TRPM6: variants seen among roughly 807,000 people sequenced by gnomAD.
The protein encoded by TRPM6 is transient receptor potential cation channel subfamily M member 6, also known as channel kinase 2.
In TRPM6, 111 loss-of-function variants were observed where a neutral mutation model predicts 247.6. The ratio of observed to expected loss-of-function variants is 0.45; its 90% CI spans 0.38 to 0.52. The LOEUF (loss-of-function observed/expected upper bound fraction) is 0.52. Ranked by LOEUF, TRPM6 falls within the 20% of genes least tolerant of loss-of-function variation. The pLI, the probability that TRPM6 is intolerant of heterozygous loss-of-function variation, is 0.00. For synonymous variants in TRPM6, 892 were observed against 853.8 expected, an observed-to-expected ratio of 1.04 and a Z score of -0.78; for missense variants, 2,126 against 2,421.5, an observed-to-expected ratio of 0.88 and a Z score of 2.56.
chr9:74,817,154 A>G (rs573911212), intron 9 of TRPM6, among the ~76,000 whole-genome samples, 190 bp from the exon 10 acceptor site: 245 of 152,314 alleles, frequency 1.6e-3, no homozygotes, highest in Non-Finnish European at 3.0e-3. Context: ...TTGGGGGGGA[A>G]AAAACTAAAA....
At chr9:74,887,499 G>A (rs941519057) in intron 1 of TRPM6, 2 of 1,105,476 alleles carry the variant, frequency 1.8e-6, no homozygotes, top group African/African-American at 1.5e-5. Context: ...CCTCTCCCGG[G>A]GTGTTTCCCA....
In TRPM6 at chr9:74,820,540, G is replaced by T. The variant is rs1006266762; in HGVS notation, c.1011-113C>A. ...CAGACTGAAAAGGTGTCTATGGACA[G>T]TTCTGCCAGAAGAGCAAATGAGGGG... On this transcript the variant is annotated intron_variant, in intron 8 of 38. Coordinates refer to ENST00000360774, the MANE Select transcript of TRPM6 (RefSeq NM_017662.5). The T allele has an allele frequency of 2.3e-6, 3 of 1,332,732 alleles. No homozygotes were observed. The African/African-American group carries it at 4.3e-5, about 19-fold the overall frequency. 82.6% of individuals were successfully genotyped at this position (1,332,732 alleles called of 1,614,324 possible).
At chr9:74,853,771 T>C (rs1197227955) in intron 3 of TRPM6, among the ~76,000 whole-genome samples, 2 of 152,126 alleles carry the variant, frequency 1.3e-5, no homozygotes, top group Non-Finnish European at 2.9e-5. Flanking sequence ...CTTGTTCACA[T>C]GTTTATCTGC....
chr9:74,738,516 G>A lies in TRPM6; in HGVS notation c.5667C>T (p.Asn1889=), dbSNP rs1587455173. ...MTGEFRKYNN[N]NGDEITPTNT... is the part of the protein sequence containing the mutation. ...TGGTGGGGGTGATTTCATCACCATTGTTGTTGTTATACTTCCGGAACTCCC... is the reference window on the plus strand; with the variant it reads ...TGGTGGGGGTGATTTCATCACCATTATTGTTGTTATACTTCCGGAACTCCC... The change falls in exon 36 of 39, where the codon AAC becomes AAT. Residue 1889 remains asparagine, a synonymous_variant. Transcript: ENST00000360774. The A allele has an allele frequency of 5.0e-6, 8 of 1,614,070 alleles. No individual in the cohort carries two copies. The East Asian group carries it at 1.6e-4, about 31-fold the overall frequency.
At position 74,738,897 on chromosome 9, in the gene TRPM6, T is replaced by A. The variant is rs190483606; in HGVS notation, c.5571-285A>T. Among the ~76,000 whole-genome samples, 33 of 152,320 alleles carry A rather than the reference T, an allele frequency of 2.2e-4. 1 individual carries two copies. The East Asian group carries it at 5.4e-3, about 25-fold the overall frequency. On this transcript the variant is annotated intron_variant, in intron 35 of 38. Coordinates refer to ENST00000360774, the MANE Select transcript of TRPM6 (RefSeq NM_017662.5). ...ATAAAGTTCCTTGTAAATGAAAGAA[T>A]GAAGCTTTACTCTGTCCAGCACCAA...
intron 36 of TRPM6, among the ~76,000 whole-genome samples, chr9:74,734,648 T>A (rs1032192489): frequency 2.6e-5 from 4 of 152,114 alleles, no homozygotes; most frequent in African/African-American, 9.7e-5. Context: ...GCTGAAAAAA[T>A]GTTCAGTTAC....
At chr9:74,740,877 T>G (rs1028309836) in intron 33 of TRPM6, among the ~76,000 whole-genome samples, 7 of 152,192 alleles carry the variant, frequency 4.6e-5, no homozygotes, top group Non-Finnish European at 8.8e-5. Context: ...ACTTATTTTT[T>G]TCTAGGGGTG....
intron 7 of TRPM6, 95 bp downstream of exon 7, chr9:74,827,683 G>T: frequency 1.5e-6 from 2 of 1,319,524 alleles, no homozygotes; most frequent in Middle Eastern, 1.8e-4. Flanking sequence ...AGCTTGAGGG[G>T]ACTAGGAGAG....
rs1485898947 is a variant in TRPM6 at position 74,782,128 on chromosome 9, G to GTA, written c.3209+233_3209+234insTA. On this transcript the variant is annotated intron_variant, in intron 23 of 38. Coordinates refer to ENST00000360774, the MANE Select transcript of TRPM6 (RefSeq NM_017662.5). ...CCATAGAGTTTGGTATCTGCAGGGGGTCCTAGAACAAGTCCTCCACAGATA... is the reference window on the plus strand; with the variant it reads ...CCATAGAGTTTGGTATCTGCAGGGGGTATCCTAGAACAAGTCCTCCACAGATA... Among the ~76,000 whole-genome samples, 12 of 152,224 alleles carry GTA rather than the reference G, an allele frequency of 7.9e-5. No individual in the cohort carries two copies. In the East Asian group the frequency reaches 2.1e-3, roughly 27 times the overall value.
chr9:74,763,400 AAC>A (rs1174991088), intron 25 of TRPM6, among the ~76,000 whole-genome samples: 5 of 152,162 alleles, frequency 3.3e-5, no homozygotes, highest in Admixed American at 6.5e-5. Context: ...AATATTTCAG[AAC>A]CACATTTCCA....
At chr9:74,869,650 T>C (rs1830963327) in intron 1 of TRPM6, among the ~76,000 whole-genome samples, 1 of 151,702 alleles carries the variant, frequency 6.6e-6, no homozygotes, top group South Asian at 2.1e-4. Context: ...GTTCTAATGC[T>C]AGTGCCAGAG....
Position 74,800,381 on chromosome 9 carries a change from T to C in TRPM6, c.2111A>G (p.Asn704Ser), listed in dbSNP as rs757304764. The C allele has an allele frequency of 3.7e-6, 6 of 1,614,022 alleles. No individual in the cohort carries two copies. In the South Asian group the frequency reaches 6.6e-5, roughly 18 times the overall value. The stretch of plus-strand genomic sequence containing the variant: ...CACGGCCAGTTTAAGGCAGGTCGAA[T>C]TGCTCCAGTTCCTGAGTTCATACGT... ...LLTYELRNWS[N>S]STCLKLAVSG... The change falls in exon 17 of 39, where the codon AAT (asparagine) becomes AGT (serine). Residue 704 changes from asparagine (N) to serine (S), a missense_variant. Asn to Ser is a conservative substitution (Grantham distance 46, BLOSUM62 1). Transcript: ENST00000360774.
rs902896911 is a variant in TRPM6 at position 74,840,206 on chromosome 9, T to C, written c.362A>G (p.Asp121Gly). The change falls in exon 5 of 39, where the codon GAT becomes GGT. Residue 121 changes from aspartate to glycine, a missense_variant. Around this residue, in one of 3 missense-constraint regions of TRPM6, gnomAD observed 1,082 missense variants for 1,307.9 expected, o/e 0.83. Transcript: ENST00000360774. ...YIRTSYDTKL[D>G]HLLHLMLKEW... The stretch of plus-strand genomic sequence containing the variant: ...TTTCAACATTAAATGTAACAGATGA[T>C]CCAGTTTTGTATCATAAGAAGTTCT... 3 of 1,613,762 alleles carry C rather than the reference T, an allele frequency of 1.9e-6. No individual in the cohort carries two copies. The highest frequency in any genetic ancestry group is 1.3e-5 in the African/African-American group (1 of 74,910).
At chr9:74,852,411 G>T (rs914498202) in intron 3 of TRPM6, among the ~76,000 whole-genome samples, 1 of 148,698 alleles carries the variant, frequency 6.7e-6, no homozygotes, top group Non-Finnish European at 1.5e-5. Flanking sequence ...AAAGTGTCCC[G>T]CTCCCGCTCC....
chr9:74,878,975 G>C (rs181956120), intron 1 of TRPM6, among the ~76,000 whole-genome samples: 1 of 152,058 alleles, frequency 6.6e-6, no homozygotes. Flanking sequence ...CTTGGCAACA[G>C]AGTGAAACCT....
chr9:74,794,942 C>A (rs538488370), intron 18 of TRPM6, among the ~76,000 whole-genome samples: 196 of 123,542 alleles, frequency 1.6e-3, no homozygotes, highest in Middle Eastern at 0.011. Flanking sequence ...ATGACTACAA[C>A]AATAAGTCTT....
chr9:74,851,768 A>ATGT (rs371535409), intron 3 of TRPM6, among the ~76,000 whole-genome samples: 1 of 143,628 alleles, frequency 7.0e-6, no homozygotes, highest in Admixed American at 7.0e-5. Context: ...AAAAAAATAT[A>ATGT]TATATATAAT....
chr9:74,755,902 T>C (rs1826415728), intron 27 of TRPM6, among the ~76,000 whole-genome samples: 1 of 152,216 alleles, frequency 6.6e-6, no homozygotes, highest in Non-Finnish European at 1.5e-5. Context: ...AAAGAATTTG[T>C]GTTGGAATTC....
intron 1 of TRPM6, among the ~76,000 whole-genome samples, chr9:74,878,138 G>C (rs1192027285): frequency 6.6e-6 from 1 of 152,158 alleles, no homozygotes; most frequent in Non-Finnish European, 1.5e-5. Flanking sequence ...GACCCACCTA[G>C]TCCATCACAG....
Sources: allele counts gnomAD v4.1 joint callset (sites outside exome capture counted in the v4.1 genomes callset), GRCh38; gene constraint gnomAD v4.1.1; regional missense constraint gnomAD v4.1.1; transcripts MANE v1.5; gene names NCBI Gene and HGNC (gene_info 2026-07-23, HGNC 2026-07-21).